The following MREG variants were observed in gnomAD, a reference collection of about 807,000 sequenced individuals.
The protein encoded by MREG is melanoregulin, also known as dilute suppressor protein homolog.
In MREG, 31 loss-of-function variants were observed where a neutral mutation model predicts 28.5. The observed-to-expected ratio is 1.09, with a 90% CI of 0.82 to 1.47. The LOEUF is 1.47. Ranked by LOEUF, MREG falls within the 40% of genes most tolerant of loss-of-function variation. The pLI, the probability that MREG is intolerant of heterozygous loss-of-function variation, is 0.00. For synonymous variants in MREG, 106 were observed against 95.2 expected, an observed-to-expected ratio of 1.11 and a Z score of -0.66; for missense variants, 256 against 257.4, an observed-to-expected ratio of 0.99 and a Z score of 0.04.
rs1178712385 is a variant in MREG at position 215,945,784 on chromosome 2, G to C, written c.347-50C>G. ...ATGTAAAGTAGTCCCAAGTTAACAA[G>C]TGTTCCGCAATACGGTCCCTGCAGG... On this transcript the variant is annotated intron_variant, in intron 3 of 4. Coordinates refer to ENST00000263268, the MANE Select transcript of MREG (RefSeq NM_018000.3). 8.5e-6 allele frequency: 13 copies of C among 1,528,746 alleles called. 1 individual carries two copies. Among genetic ancestry groups the C allele is most frequent in the East Asian group, 4.5e-5 (2 of 43,984 alleles). The allele number at this position is 1,528,746 out of a possible 1,614,324, so 94.7% of individuals were successfully genotyped here.
chr2:215,954,445 A>AACACACACACACACACACACAC (rs3078454), intron 2 of MREG, among the ~76,000 whole-genome samples: 129 of 136,598 alleles, frequency 9.4e-4, no homozygotes, highest in East Asian at 3.3e-3. Context: ...ATCTGTGTAC[A>AACACACACACACACACACACAC]ACACACACAC....
intron 2 of MREG, among the ~76,000 whole-genome samples, chr2:215,960,700 G>A (rs1298670368): frequency 6.6e-6 from 1 of 152,054 alleles, no homozygotes; most frequent in African/African-American, 2.4e-5. Context: ...CAGGCATGGT[G>A]GCGGGCACCT....
chr2:215,945,504 T>C, intron 4 of MREG, 67 bp downstream of exon 4: 1 of 1,551,142 alleles, frequency 6.4e-7, no homozygotes, highest in Non-Finnish European at 8.7e-7. Context: ...CGGAGGATAG[T>C]GAATAGTTTT....
At position 216,030,948 on chromosome 2, in the gene MREG, T is replaced by A. The variant is rs937819870; in HGVS notation, c.-68+1841A>T. ...CCCATTCTCTCTCTCTCTCTCTCTC[T>A]CTCTCTCTCACACACACACACACAC... On this transcript the variant is annotated intron_variant, in intron 1 of 3. Transcript: ENST00000420348. 9.9e-3 allele frequency among the ~76,000 whole-genome samples: 968 copies of A among 97,314 alleles called. 6 individuals are homozygous for A. Among genetic ancestry groups the A allele is most frequent in the Middle Eastern group, 0.019 (4 of 206 alleles). The allele number at this position is 97,314 out of a possible 152,430, so 63.8% of individuals were successfully genotyped here. A position where few individuals can be genotyped will look rare whatever the true frequency, so the allele number is the denominator to read the frequency against.
intron 2 of MREG, among the ~76,000 whole-genome samples, chr2:215,949,035 T>TCTACTACTACTACTA (rs67462853): frequency 7.6e-6 from 1 of 131,076 alleles, no homozygotes; most frequent in African/African-American, 2.8e-5. Flanking sequence ...AAACCCTGTC[T>TCTACTACTACTACTA]CTACTACTAC....
intron 1 of MREG, among the ~76,000 whole-genome samples, chr2:216,003,073 T>C (rs1694060560): frequency 6.6e-6 from 1 of 152,124 alleles, no homozygotes; most frequent in South Asian, 2.1e-4. Flanking sequence ...CCCAAGTTTA[T>C]TTCTTATGTT....
upstream of MREG, among the ~76,000 whole-genome samples, chr2:216,016,805 G>A (rs114182053): frequency 0.026 from 3,908 of 152,216 alleles, 65 homozygotes; most frequent in Non-Finnish European, 0.039. Flanking sequence ...TTTCAGACAG[G>A]ATATTTATAG....
rs1017729960 is a variant in MREG, at chr2:215,994,397, C to G, written c.255+1909G>C. On this transcript the variant is annotated intron_variant, in intron 2 of 4. Transcript: ENST00000263268. ...GGGACACGGGGAGGGGAACGTCACA[C>G]ACTTGGGCCTGTCAGGGGGTGGGGG... Among the ~76,000 whole-genome samples the G allele has an allele frequency of 2.6e-5, 4 of 151,546 alleles. 1 individual carries two copies. Among genetic ancestry groups the G allele is most frequent in the African/African-American group, 9.8e-5 (4 of 40,960 alleles).
At chr2:216,024,415 A>T (rs1694563956) in intron 1 of MREG, among the ~76,000 whole-genome samples, 2 of 151,086 alleles carry the variant, frequency 1.3e-5, no homozygotes, top group African/African-American at 4.9e-5. Context: ...ACACCACTGC[A>T]CTCCAACCTG....
intron 2 of MREG, among the ~76,000 whole-genome samples, chr2:215,956,810 G>C (rs1692638552): frequency 6.6e-6 from 1 of 152,180 alleles, no homozygotes; most frequent in African/African-American, 2.4e-5. Flanking sequence ...AAAGTGTTGG[G>C]ATTACAGGGA....
chr2:215,944,602 A>C lies in MREG; in HGVS notation c.*261T>G. 3.4e-6 allele frequency: 1 copy of C among 291,130 alleles called. No individual in the cohort carries two copies. Among genetic ancestry groups the C allele is most frequent in the Non-Finnish European group, 6.4e-6 (1 of 156,428 alleles). 18.0% of individuals were successfully genotyped at this position (291,130 alleles called of 1,614,324 possible). A position where few individuals can be genotyped will look rare whatever the true frequency, so the allele number is the denominator to read the frequency against. On this transcript the variant is annotated 3_prime_UTR_variant, in exon 5 of 5. Transcript: ENST00000263268. Reference sequence around the variant, plus strand: ...CTGGGGCAATGGGCTCTCAGAATGGAACCACCCATTATGAACTATCCATCT... The same window carrying C: ...CTGGGGCAATGGGCTCTCAGAATGGCACCACCCATTATGAACTATCCATCT...
intron 3 of MREG, 39 bp downstream of exon 3, chr2:215,946,984 G>A (rs1344695): frequency 1.7e-6 from 2 of 1,156,844 alleles, no homozygotes; most frequent in Admixed American, 3.7e-5. Flanking sequence ...TGATCACAAC[G>A]AGTTATTTTT....
chr2:215,995,780 GA>G (rs1191258702), intron 2 of MREG, among the ~76,000 whole-genome samples: 1 of 152,046 alleles, frequency 6.6e-6, no homozygotes, highest in Non-Finnish European at 1.5e-5. Flanking sequence ...TTTGGATTTA[GA>G]GTTATTGTGA....
intron 2 of MREG, among the ~76,000 whole-genome samples, chr2:215,957,024 CCAGA>C (rs910971555): frequency 3.3e-5 from 5 of 152,114 alleles, no homozygotes; most frequent in Non-Finnish European, 5.9e-5. Context: ...GATTTGAAAC[CCAGA>C]CAGTCTGGTT....
intron 1 of MREG, among the ~76,000 whole-genome samples, chr2:216,001,732 TC>T (rs1293293682): frequency 1.3e-5 from 2 of 152,188 alleles, no homozygotes; most frequent in African/African-American, 4.8e-5. Context: ...GCTCACCAGA[TC>T]CTGGGTCCCG....
chr2:215,986,734 C>T (rs1693581960), intron 2 of MREG, among the ~76,000 whole-genome samples: 1 of 152,178 alleles, frequency 6.6e-6, no homozygotes, highest in Non-Finnish European at 1.5e-5. Flanking sequence ...TTGCCTGCCA[C>T]CATGTAAGAC....
At chr2:215,959,371 C>T (rs1457548132) in intron 2 of MREG, among the ~76,000 whole-genome samples, 2 of 152,072 alleles carry the variant, frequency 1.3e-5, no homozygotes, top group African/African-American at 4.8e-5. Flanking sequence ...ACCTTATGTT[C>T]CCAACTTTGT....
intron 1 of MREG, among the ~76,000 whole-genome samples, chr2:216,006,727 G>A (rs1464763659): frequency 6.6e-6 from 1 of 152,178 alleles, no homozygotes; most frequent in Non-Finnish European, 1.5e-5. Flanking sequence ...AAGATGATTT[G>A]GTCAGCTCCA....
At chr2:216,004,713 A>AT (rs532806884) in intron 1 of MREG, among the ~76,000 whole-genome samples, 21 of 151,964 alleles carry the variant, frequency 1.4e-4, no homozygotes, top group African/African-American at 4.4e-4. Flanking sequence ...AGCTCCTAAC[A>AT]TTTTTTTTAG....
Sources: allele counts gnomAD v4.1 joint callset (sites outside exome capture counted in the v4.1 genomes callset), GRCh38; gene constraint gnomAD v4.1.1; transcripts MANE v1.5; gene names NCBI Gene and HGNC (gene_info 2026-07-23, HGNC 2026-07-21).